GRM1: variants seen among roughly 807,000 people sequenced by gnomAD.
The protein encoded by GRM1 is metabotropic glutamate receptor 1.
In GRM1, 33 loss-of-function variants were observed where a neutral mutation model predicts 90.9. The ratio of observed to expected loss-of-function variants is 0.36; its 90% CI spans 0.28 to 0.49. The LOEUF (loss-of-function observed/expected upper bound fraction) is 0.49. GRM1 is among the 20% of genes least tolerant of loss of function. The pLI is 0.99. For missense variants in GRM1, 1,190 were observed against 1,534.3 expected, an observed-to-expected ratio of 0.78 and a Z score of 3.75; for synonymous variants, 700 against 613.2, an observed-to-expected ratio of 1.14 and a Z score of -2.09.
chr6:146,421,422 TA>T (rs2114659754), intron 7 of GRM1, among the ~76,000 whole-genome samples: 1 of 152,198 alleles, frequency 6.6e-6, no homozygotes, highest in South Asian at 2.1e-4. Flanking sequence ...GTCAAGTATA[TA>T]AAATATAATA....
At chr6:146,335,348 C>T (rs1253716425) in intron 3 of GRM1, among the ~76,000 whole-genome samples, 1 of 152,040 alleles carries the variant, frequency 6.6e-6, no homozygotes, top group African/African-American at 2.4e-5. Flanking sequence ...CTCACTGTAC[C>T]CATTTATAAA....
At chr6:146,153,178 C>T (rs923091401) in intron 1 of GRM1, among the ~76,000 whole-genome samples, 4 of 152,180 alleles carry the variant, frequency 2.6e-5, no homozygotes, top group Admixed American at 2.6e-4. Context: ...TTTCTTTAGA[C>T]AGTTTTCCTG....
intron 2 of GRM1, among the ~76,000 whole-genome samples, chr6:146,279,429 A>T (rs1433894014): frequency 1.3e-5 from 2 of 152,174 alleles, no homozygotes; most frequent in East Asian, 3.8e-4. Context: ...ATTTTTATTT[A>T]TCTTTCATAT....
chr6:146,267,634 T>G (rs1781944183), intron 2 of GRM1, among the ~76,000 whole-genome samples: 1 of 57,280 alleles, frequency 1.7e-5, no homozygotes, highest in African/African-American at 8.1e-5. Flanking sequence ...TGGGCTGGGC[T>G]GGGCTGCGCT....
At chr6:146,107,316 G>A (rs1775345944) in intron 1 of GRM1, among the ~76,000 whole-genome samples, 1 of 151,358 alleles carries the variant, frequency 6.6e-6, no homozygotes, top group Admixed American at 6.6e-5. Flanking sequence ...TAATGTAGTA[G>A]TATGCTCAAT....
chr6:146,362,928 C>T lies in GRM1; in HGVS notation c.1602+5234C>T, dbSNP rs970736586. Among the ~76,000 whole-genome samples, 7 of 151,944 alleles carry T rather than the reference C, an allele frequency of 4.6e-5. No homozygotes were observed. In the South Asian group the frequency reaches 6.2e-4, roughly 14 times the overall value. On this transcript the variant is annotated intron_variant, in intron 5 of 7. Coordinates refer to ENST00000282753, the MANE Select transcript of GRM1 (RefSeq NM_001278064.2). ...ATCATTCTCATTACGACCTAAGATA[C>T]GCTTAAAAATGGATGGAACTAAGAG...
At chr6:146,301,971 G>A (rs900303379) in intron 2 of GRM1, among the ~76,000 whole-genome samples, 1 of 152,092 alleles carries the variant, frequency 6.6e-6, no homozygotes, top group African/African-American at 2.4e-5. Context: ...ACCTGATTGA[G>A]TAATAGGCTT....
At chr6:146,270,823 C>T (rs1217855112) in intron 2 of GRM1, among the ~76,000 whole-genome samples, 1 of 142,184 alleles carries the variant, frequency 7.0e-6, no homozygotes, top group Non-Finnish European at 1.5e-5. Context: ...TTCTGTCTGC[C>T]TGCCTGCCTG....
At chr6:146,282,635 T>C (rs1782613825) in intron 2 of GRM1, among the ~76,000 whole-genome samples, 1 of 152,110 alleles carries the variant, frequency 6.6e-6, no homozygotes, top group South Asian at 2.1e-4. Context: ...TTGAGTCAAA[T>C]GCTATTCTAG....
intron 7 of GRM1, among the ~76,000 whole-genome samples, chr6:146,423,689 G>A (rs866990862): frequency 1.3e-4 from 20 of 152,086 alleles, no homozygotes; most frequent in African/African-American, 4.3e-4. Flanking sequence ...GATGCTGCCT[G>A]GGTGCACCAC....
intron 2 of GRM1, among the ~76,000 whole-genome samples, chr6:146,231,312 A>G (rs1218771657): frequency 6.6e-6 from 1 of 152,120 alleles, no homozygotes; most frequent in East Asian, 1.9e-4. Context: ...TGAGGATGTA[A>G]CATTGCTCTT....
chr6:146,223,325 T>G (rs558953778), intron 2 of GRM1, among the ~76,000 whole-genome samples: 1 of 152,234 alleles, frequency 6.6e-6, no homozygotes, highest in South Asian at 2.1e-4. Context: ...TAAGCCATAT[T>G]TATGTCCTGA....
intron 7 of GRM1, among the ~76,000 whole-genome samples, chr6:146,400,602 T>C (rs1044440522): frequency 2.0e-5 from 3 of 152,138 alleles, no homozygotes; most frequent in Non-Finnish European, 2.9e-5. Context: ...TATGTTAAAT[T>C]TGCATATGTC....
At chr6:146,315,069 T>C (rs1421074155) in intron 3 of GRM1, among the ~76,000 whole-genome samples, 1 of 152,192 alleles carries the variant, frequency 6.6e-6, no homozygotes, top group African/African-American at 2.4e-5. Flanking sequence ...GCCACAGTAA[T>C]GCACTGGGGA....
At chr6:146,099,510 G>C (rs780283823) in intron 1 of GRM1, among the ~76,000 whole-genome samples, 9 of 152,206 alleles carry the variant, frequency 5.9e-5, no homozygotes, top group Non-Finnish European at 1.3e-4. Context: ...GATTATCCCT[G>C]CCAGTTGCAG....
chr6:146,258,580 C>A (rs1452120357), intron 2 of GRM1, among the ~76,000 whole-genome samples: 1 of 151,990 alleles, frequency 6.6e-6, no homozygotes, highest in Non-Finnish European at 1.5e-5. Context: ...AGTACAGAGG[C>A]ATGATCATAG....
intron 2 of GRM1, among the ~76,000 whole-genome samples, chr6:146,254,311 T>C (rs550944931): frequency 6.6e-6 from 1 of 152,246 alleles, no homozygotes; most frequent in East Asian, 1.9e-4. Context: ...ATTGGCAGAT[T>C]TGACCCCTTC....
rs1279287705 is a variant in GRM1 at position 146,260,475 on chromosome 6, T to G, written c.951-44136T>G. 3.9e-5 allele frequency among the ~76,000 whole-genome samples: 6 copies of G among 152,226 alleles called. No individual in the cohort carries two copies. In the East Asian group the frequency reaches 1.2e-3, roughly 29 times the overall value. On this transcript the variant is annotated intron_variant, in intron 2 of 7. Transcript: ENST00000282753. ...TGCAATAAACATACATGTGCATGTG[T>G]TTTATAGTAGAATGATTTATAATCC...
chr6:146,232,725 C>A (rs577115589), intron 2 of GRM1, among the ~76,000 whole-genome samples: 2 of 152,102 alleles, frequency 1.3e-5, no homozygotes, highest in African/African-American at 4.8e-5. Flanking sequence ...CATTAAGGCT[C>A]ACCTATATGA....
Sources: allele counts gnomAD v4.1 joint callset (sites outside exome capture counted in the v4.1 genomes callset), GRCh38; gene constraint gnomAD v4.1.1; transcripts MANE v1.5; gene names NCBI Gene and HGNC (gene_info 2026-07-23, HGNC 2026-07-21).